CACNA1B: variants seen among roughly 807,000 people sequenced by gnomAD.
CACNA1B encodes the protein calcium voltage-gated channel subunit alpha1 B.
A neutral mutation model predicts 247.2 loss-of-function variants in CACNA1B; 70 were observed. That is an observed-to-expected ratio of 0.28 (90% CI 0.23 to 0.35). The LOEUF is 0.35. CACNA1B is among the 10% of genes least tolerant of loss of function. The pLI is 1.00. For missense variants in CACNA1B, 2,367 were observed against 3,197.4 expected (o/e 0.74, Z 6.26); for synonymous variants, 1,231 against 1,294.4 (o/e 0.95, Z 1.05).
Position 138,069,775 on chromosome 9 carries a change from G to A in CACNA1B, c.4674+12G>A, listed in dbSNP as rs778661842. 16 of 1,608,478 alleles carry A rather than the reference G, an allele frequency of 9.9e-6. No homozygotes were observed. The African/African-American group carries it at 1.6e-4, about 16-fold the overall frequency. ...ACATGTAGGAAACGGTTGGTTTCAC[G>A]ACTCTGAACGGTTCTTGCAAGTCCT... On this transcript the variant is annotated intron_variant, in intron 32 of 46. Coordinates refer to ENST00000371372, the MANE Select transcript of CACNA1B (RefSeq NM_000718.4).
intron 20 of CACNA1B, among the ~76,000 whole-genome samples, chr9:138,038,308 G>T (rs186863700): frequency 1.3e-5 from 2 of 152,236 alleles, no homozygotes; most frequent in East Asian, 3.9e-4. Context: ...TCTGGTTTTC[G>T]TCTATGACAG....
intron 31 of CACNA1B, among the ~76,000 whole-genome samples, chr9:138,064,926 GT>G (rs2133518931): frequency 6.6e-6 from 1 of 152,368 alleles, no homozygotes; most frequent in Non-Finnish European, 1.5e-5. Context: ...TGAGAAGCTG[GT>G]TGGCTCGTGG....
intron 26 of CACNA1B, among the ~76,000 whole-genome samples, chr9:138,055,472 C>T (rs1327923380): frequency 6.6e-6 from 1 of 152,054 alleles, no homozygotes; most frequent in Non-Finnish European, 1.5e-5. Flanking sequence ...CTTTTTTATT[C>T]TTTTATGCTG....
At chr9:137,943,196 G>A (rs1957753690) in intron 6 of CACNA1B, among the ~76,000 whole-genome samples, 1 of 151,936 alleles carries the variant, frequency 6.6e-6, no homozygotes, top group Admixed American at 6.6e-5. Context: ...CATTTCATAT[G>A]GGCTCATATT....
At chr9:137,964,782 C>T (rs1203125925) in intron 10 of CACNA1B, among the ~76,000 whole-genome samples, 1 of 152,170 alleles carries the variant, frequency 6.6e-6, no homozygotes, top group East Asian at 1.9e-4. Flanking sequence ...GGCACTCTGG[C>T]TTTTTGAGTT....
In CACNA1B at chr9:138,020,920, G is replaced by A. The variant is rs1958837352; in HGVS notation, c.2268-2091G>A. 6.6e-6 allele frequency among the ~76,000 whole-genome samples: 1 copy of A among 152,158 alleles called. No individual in the cohort carries two copies. The highest frequency in any genetic ancestry group is 2.4e-5 in the African/African-American group (1 of 41,434). ...ATGTTCCCCATGGTCCTCACTGCCT[G>A]TCTTTTTGGAACTGCAATGCTGGTC... On this transcript the variant is annotated intron_variant, in intron 18 of 46. Transcript: ENST00000371372. This position sits in a 1 kb window ranked among gnomAD's most constrained non-coding sequence, Gnocchi z 4.1.
chr9:137,946,210 T>C (rs1343746804), intron 6 of CACNA1B, among the ~76,000 whole-genome samples: 1 of 152,214 alleles, frequency 6.6e-6, no homozygotes, highest in Non-Finnish European at 1.5e-5. Flanking sequence ...ATCTCTTTTA[T>C]GTATAAACTT....
chr9:137,986,634 C>G lies in CACNA1B; in HGVS notation c.1901+90C>G. ...ACGGTGCCGCCCAGGCTGCCTCCACCCACCTTCCCACCAGGAAGGTCCTCA... is the reference window on the plus strand; with the variant it reads ...ACGGTGCCGCCCAGGCTGCCTCCACGCACCTTCCCACCAGGAAGGTCCTCA... On this transcript the variant is annotated intron_variant, in intron 14 of 46. Transcript: ENST00000371372. This position sits in a 1 kb window ranked among gnomAD's most constrained non-coding sequence, Gnocchi z 6.0. 1.3e-6 allele frequency: 2 copies of G among 1,516,518 alleles called. No individual in the cohort carries two copies. Among genetic ancestry groups the G allele is most frequent in the Non-Finnish European group, 1.8e-6 (2 of 1,096,134 alleles). 93.9% of individuals were successfully genotyped at this position (1,516,518 alleles called of 1,614,324 possible).
chr9:137,984,083 C>T, intron 12 of CACNA1B, 55 bp from the exon 13 acceptor site: 1 of 1,282,096 alleles, frequency 7.8e-7, no homozygotes, highest in Non-Finnish European at 1.1e-6. Context: ...ACACATCCAT[C>T]TGCATGCACA....
At chr9:138,029,130 C>T (rs1958956987) in intron 20 of CACNA1B, among the ~76,000 whole-genome samples, 1 of 152,136 alleles carries the variant, frequency 6.6e-6, no homozygotes, top group Non-Finnish European at 1.5e-5. Flanking sequence ...AAGTCAACAA[C>T]ACTGTAATGA....
chr9:137,983,226 A>G (rs928895204), intron 12 of CACNA1B, among the ~76,000 whole-genome samples: 2 of 152,266 alleles, frequency 1.3e-5, no homozygotes, highest in Non-Finnish European at 2.9e-5. Context: ...CACCAGTTGC[A>G]GAAGTGTGGC....
At position 137,881,091 on chromosome 9, in the gene CACNA1B, T is replaced by A. The variant is rs544588208; in HGVS notation, c.391-1653T>A. ...GGTGCTGGCTGGTCCTTCCTAGGCGTCGGGCCTGTTCTCTTTTTCACCAGG... is the reference window on the plus strand; with the variant it reads ...GGTGCTGGCTGGTCCTTCCTAGGCGACGGGCCTGTTCTCTTTTTCACCAGG... On this transcript the variant is annotated intron_variant, in intron 2 of 46. Coordinates refer to ENST00000371372, the MANE Select transcript of CACNA1B (RefSeq NM_000718.4). This position sits in a 1 kb window ranked among gnomAD's most constrained non-coding sequence, Gnocchi z 4.3. Among the ~76,000 whole-genome samples the A allele has an allele frequency of 2.6e-4, 39 of 152,240 alleles. 2 individuals are homozygous for A. The highest frequency in any genetic ancestry group is 6.8e-3 in the Middle Eastern group (2 of 294).
At chr9:138,096,761 A>G (rs1961069719) in intron 37 of CACNA1B, 150 bp downstream of exon 37, 1 of 613,182 alleles carries the variant, frequency 1.6e-6, no homozygotes, top group Non-Finnish European at 2.6e-6. Flanking sequence ...CGTGTAGAGC[A>G]GCAGTGATGT....
intron 6 of CACNA1B, among the ~76,000 whole-genome samples, chr9:137,947,281 C>A (rs540391282): frequency 6.6e-6 from 1 of 152,226 alleles, no homozygotes; most frequent in African/African-American, 2.4e-5. Flanking sequence ...TCCATTTTTT[C>A]ATCTGTGACA....
intron 3 of CACNA1B, among the ~76,000 whole-genome samples, chr9:137,886,312 C>T (rs1251459829): frequency 2.0e-5 from 3 of 151,824 alleles, no homozygotes; most frequent in Non-Finnish European, 4.4e-5. Flanking sequence ...AGTGCTAGGG[C>T]GCAGCTCTTA....
chr9:138,015,762 C>T (rs776151866), intron 18 of CACNA1B, among the ~76,000 whole-genome samples: 3 of 152,176 alleles, frequency 2.0e-5, no homozygotes, highest in African/African-American at 7.2e-5. Context: ...CAGTGCTGTG[C>T]GTATCCTGGG....
rs560458163 is a variant in CACNA1B, at chr9:138,065,687, G to C, written c.4669-4071G>C. On this transcript the variant is annotated intron_variant, in intron 31 of 46. Coordinates refer to ENST00000371372, the MANE Select transcript of CACNA1B (RefSeq NM_000718.4). ...AATCCGAAACACAGACCACATTTGG[G>C]TTATGCTTGGAGTTGCTAATTGACA... Among the ~76,000 whole-genome samples, 3 of 152,256 alleles carry C rather than the reference G, an allele frequency of 2.0e-5. No individual in the cohort carries two copies. The East Asian group carries it at 5.8e-4, about 29-fold the overall frequency.
Position 138,074,076 on chromosome 9 carries a change from C to T in CACNA1B, c.4857+10C>T. 4 of 1,608,624 alleles carry T rather than the reference C, an allele frequency of 2.5e-6. No individual in the cohort carries two copies. The highest frequency in any genetic ancestry group is 3.4e-6 in the Non-Finnish European group (4 of 1,176,506). ...CATCATCGGCATGCAGGTGGGTGCT[C>T]CCCTTTGGGACAGAGCGTGGTTCCG... On this transcript the variant is annotated intron_variant, in intron 34 of 46. Coordinates refer to ENST00000371372, the MANE Select transcript of CACNA1B (RefSeq NM_000718.4).
rs1427544495 is a variant in CACNA1B at position 137,914,761 on chromosome 9, T to A, written c.730T>A (p.Phe244Ile). The change falls in exon 5 of 47, where the codon TTC becomes ATC. Residue 244 changes from phenylalanine to isoleucine, a missense_variant. By Grantham distance (21) the Phe-to-Ile change is conservative (BLOSUM62 0). Coordinates refer to ENST00000371372, the MANE Select transcript of CACNA1B (RefSeq NM_000718.4). This position sits in a 1 kb window ranked among gnomAD's most constrained non-coding sequence, Gnocchi z 4.3. ...CATGTTTGCCATCATTGGCCTGGAG[T>A]TCTACATGGGCAAGTTCCACAAGGC... is the stretch of plus-strand genomic sequence containing the variant. ...ILMFAIIGLE[F>I]YMGKFHKACF... The A allele has an allele frequency of 6.2e-7, 1 of 1,613,950 alleles. No individual in the cohort carries two copies. The highest frequency in any genetic ancestry group is 8.5e-7 in the Non-Finnish European group (1 of 1,179,882).
Sources: gnomAD v4.1 joint callset for allele counts (sites outside exome capture counted in the v4.1 genomes callset) on GRCh38, gnomAD v4.1.1 for gene constraint, Gnocchi (gnomAD v3.1) non-coding constraint, MANE v1.5 for transcripts, NCBI Gene and HGNC (gene_info 2026-07-23, HGNC 2026-07-21) for gene names.